HMG20A: variants seen among roughly 807,000 people sequenced by gnomAD.
The protein encoded by HMG20A is high mobility group protein 20A.
In HMG20A, 17 loss-of-function variants were observed where a neutral mutation model predicts 43.9. The ratio of observed to expected loss-of-function variants is 0.39; its 90% CI spans 0.27 to 0.58. The LOEUF (loss-of-function observed/expected upper bound fraction) is 0.58, where lower values mean the gene tolerates loss of function less well. Ranked by LOEUF, HMG20A falls within the 20% of genes least tolerant of loss-of-function variation. The pLI, the probability that HMG20A is intolerant of heterozygous loss-of-function variation, is 0.59. For missense variants in HMG20A, 341 were observed against 438.2 expected, an observed-to-expected ratio of 0.78 and a Z score of 1.98; for synonymous variants, 132 against 147.5, an observed-to-expected ratio of 0.89 and a Z score of 0.76.
the HMG20A span, among the ~76,000 whole-genome samples, chr15:77,518,332 C>A: frequency 2.0e-5 from 3 of 152,208 alleles, no homozygotes; most frequent in African/African-American, 7.2e-5. Context: ...CTCATAAACA[C>A]CAGTGGTCAT....
intron 1 of HMG20A, among the ~76,000 whole-genome samples, chr15:77,445,997 C>G (rs1198785469): frequency 1.3e-5 from 2 of 152,230 alleles, no homozygotes; most frequent in African/African-American, 4.8e-5. Flanking sequence ...ACCGTCTATG[C>G]TGATTGAGTT....
chr15:77,425,808 T>C (rs1400005024), intron 1 of HMG20A, among the ~76,000 whole-genome samples: 1 of 152,178 alleles, frequency 6.6e-6, no homozygotes, highest in Non-Finnish European at 1.5e-5. Context: ...ACTTAAAACA[T>C]GTTCACACAA....
intron 1 of HMG20A, among the ~76,000 whole-genome samples, chr15:77,432,559 T>C (rs554486620): frequency 6.6e-6 from 1 of 151,854 alleles, no homozygotes; most frequent in Admixed American, 6.6e-5. Flanking sequence ...CCATCTCTAT[T>C]AAAAATACAA....
the HMG20A span, among the ~76,000 whole-genome samples, chr15:77,516,602 A>C: frequency 6.6e-6 from 1 of 152,144 alleles, no homozygotes; most frequent in Non-Finnish European, 1.5e-5. Flanking sequence ...AAAGACAAAC[A>C]AACCAACCAG....
intron 2 of HMG20A, among the ~76,000 whole-genome samples, chr15:77,462,599 C>CCACACA (rs34081893): frequency 1.5e-4 from 22 of 147,960 alleles, no homozygotes; most frequent in South Asian, 2.2e-4. Flanking sequence ...GTGTGTCTGT[C>CCACACA]CACACACACA....
chr15:77,471,527 C>T (rs1442307483), intron 5 of HMG20A, among the ~76,000 whole-genome samples: 2 of 152,118 alleles, frequency 1.3e-5, no homozygotes, highest in Non-Finnish European at 2.9e-5. Flanking sequence ...GTCTTCTGTC[C>T]ACTCTTCCAC....
chr15:77,423,179 ACTAT>A (rs1308634864), intron 1 of HMG20A, among the ~76,000 whole-genome samples: 4 of 152,198 alleles, frequency 2.6e-5, no homozygotes, highest in Non-Finnish European at 2.9e-5. Flanking sequence ...AGCTTGAAGA[ACTAT>A]CTGTTTAGAA....
chr15:77,479,591 GA>G, intron 9 of HMG20A: 1 of 285,748 alleles, frequency 3.5e-6, no homozygotes. Flanking sequence ...AAAAATAAAA[GA>G]AAACAGACTC....
At chr15:77,463,386 T>G (rs1159553507) in intron 2 of HMG20A, among the ~76,000 whole-genome samples, 1 of 152,222 alleles carries the variant, frequency 6.6e-6, no homozygotes, top group East Asian at 1.9e-4. Flanking sequence ...TATAATACTA[T>G]GGGTTGTGCA....
At chr15:77,514,087 TACAG>T in the HMG20A span, among the ~76,000 whole-genome samples, 14 of 152,172 alleles carry the variant, frequency 9.2e-5, no homozygotes, top group Admixed American at 9.2e-4. Flanking sequence ...TGTCTCCAAA[TACAG>T]ACACATTAGG....
intron 9 of HMG20A, chr15:77,482,092 GA>G (rs2072909941): frequency 1.3e-5 from 2 of 152,174 alleles, no homozygotes; most frequent in Admixed American, 1.3e-4. Context: ...GATGAGTACA[GA>G]ATCCAAGACT....
At chr15:77,486,346 C>T (rs760013189), downstream of HMG20A, among the ~76,000 whole-genome samples, 7 of 151,432 alleles carry the variant, frequency 4.6e-5, no homozygotes, top group East Asian at 3.9e-4. Flanking sequence ...CTGCAAACTC[C>T]GCCTTCCAGT....
chr15:77,506,624 G>C, the HMG20A span, among the ~76,000 whole-genome samples: 1 of 152,196 alleles, frequency 6.6e-6, no homozygotes, highest in South Asian at 2.1e-4. Context: ...CCAAGGATTT[G>C]AGCCAGGGCC....
Position 77,484,052 on chromosome 15 carries a change from CCCCCTCCTTA to C in HMG20A, c.*1090_*1099del, listed in dbSNP as rs2072927136. ...TGAGGAAGACAGGCTTCCCTTCCTTCCCCCTCCTTAGTGATTTTTTCTTTAACAGCATAAG... is the reference window on the plus strand; with the variant it reads ...TGAGGAAGACAGGCTTCCCTTCCTTCGTGATTTTTTCTTTAACAGCATAAG... On this transcript the variant is annotated 3_prime_UTR_variant, in exon 10 of 10. Coordinates refer to ENST00000336216, the MANE Select transcript of HMG20A (RefSeq NM_001304504.2). 6.6e-6 allele frequency: 1 copy of C among 152,180 alleles called. No homozygotes were observed. The highest frequency in any genetic ancestry group is 6.5e-5 in the Admixed American group (1 of 15,284). 9.4% of individuals were successfully genotyped at this position (152,180 alleles called of 1,614,324 possible).
At chr15:77,479,514 A>T in intron 9 of HMG20A, 193 bp downstream of exon 9, 1 of 523,866 alleles carries the variant, frequency 1.9e-6, no homozygotes, top group Admixed American at 3.6e-5. Flanking sequence ...AGTCCCAGCT[A>T]CTTGGGAGGC....
At chr15:77,477,513 C>G (rs1400789868) in intron 6 of HMG20A, 42 bp from the exon 7 acceptor site, 1 of 1,365,814 alleles carries the variant, frequency 7.3e-7, no homozygotes, top group Admixed American at 1.7e-5. Flanking sequence ...TTTAATTTAT[C>G]TTCTATTAAG....
intron 1 of HMG20A, among the ~76,000 whole-genome samples, chr15:77,424,474 G>A (rs2073404623): frequency 6.6e-6 from 1 of 152,164 alleles, no homozygotes; most frequent in South Asian, 2.1e-4. Context: ...TCCAAATGGG[G>A]TTGTTTGGTG....
the HMG20A span, among the ~76,000 whole-genome samples, chr15:77,495,629 TAG>T: frequency 2.6e-5 from 4 of 152,084 alleles, no homozygotes; most frequent in African/African-American, 9.7e-5. Context: ...AGGAGTTAGA[TAG>T]AGTGTCCCAA....
At chr15:77,425,945 G>C (rs1462655631) in intron 1 of HMG20A, among the ~76,000 whole-genome samples, 1 of 152,104 alleles carries the variant, frequency 6.6e-6, no homozygotes, top group Non-Finnish European at 1.5e-5. Context: ...GCAACAAAGA[G>C]AAACAAAGTA....
Sources: gnomAD v4.1 joint callset for allele counts (sites outside exome capture counted in the v4.1 genomes callset) on GRCh38, gnomAD v4.1.1 for gene constraint, MANE v1.5 for transcripts, NCBI Gene and HGNC (gene_info 2026-07-23, HGNC 2026-07-21) for gene names.